TPH2: variants seen among roughly 807,000 people sequenced by gnomAD.
TPH2 encodes tryptophan 5-hydroxylase 2.
Under a neutral mutation model 59.1 loss-of-function variants are expected in TPH2, and 27 were observed. The ratio of observed to expected loss-of-function variants is 0.46; its 90% CI spans 0.34 to 0.63. The LOEUF (loss-of-function observed/expected upper bound fraction) is 0.63, where lower values mean the gene tolerates loss of function less well. TPH2 is among the 30% of genes least tolerant of loss of function. The probability of loss-of-function intolerance (pLI) is 0.01; values close to 1 mark genes in which losing one functional copy is unlikely to be tolerated. For missense variants in TPH2, 523 were observed against 588.3 expected (o/e 0.89, Z 1.15); for synonymous variants, 220 against 210.5 (o/e 1.05, Z -0.39).
At chr12:71,944,835 A>G (rs1871160055) in intron 4 of TPH2, 149 bp downstream of exon 4, 1 of 805,018 alleles carries the variant, frequency 1.2e-6, no homozygotes, top group African/African-American at 1.7e-5. Flanking sequence ...CAAATGATAA[A>G]GCTTCCCTGT....
Position 72,022,379 on chromosome 12 carries a change from A to AT in TPH2, c.1069-19dup, listed in dbSNP as rs778882015. The AT allele has an allele frequency of 1.3e-5, 21 of 1,592,420 alleles. No homozygotes were observed. The East Asian group carries it at 4.5e-4, about 34-fold the overall frequency. ...TAACTCATTGACCAGTTCACTGAATATGTGTTCGTTTTTCTTCAGTGCTAT... is the reference window on the plus strand; with the variant it reads ...TAACTCATTGACCAGTTCACTGAATATTGTGTTCGTTTTTCTTCAGTGCTAT... On this transcript the variant is annotated intron_variant, in intron 8 of 10. Transcript: ENST00000333850.
intron 9 of TPH2, among the ~76,000 whole-genome samples, chr12:72,022,814 C>T (rs1873459940): frequency 6.6e-6 from 1 of 152,218 alleles, no homozygotes; most frequent in Non-Finnish European, 1.5e-5. Context: ...CATGAGCTAG[C>T]AGTGATCCTA....
chr12:71,957,968 T>A (rs1470800209), intron 5 of TPH2, among the ~76,000 whole-genome samples: 1 of 152,234 alleles, frequency 6.6e-6, no homozygotes. Flanking sequence ...GTTCCTTTTC[T>A]TAGATCCTGC....
At chr12:71,992,819 T>C (rs758720413) in intron 7 of TPH2, among the ~76,000 whole-genome samples, 2 of 152,218 alleles carry the variant, frequency 1.3e-5, no homozygotes, top group Non-Finnish European at 2.9e-5. Flanking sequence ...AGGAGCTCAG[T>C]ATATTCTCTC....
At chr12:72,019,343 T>C (rs1001029261) in intron 8 of TPH2, among the ~76,000 whole-genome samples, 4 of 152,158 alleles carry the variant, frequency 2.6e-5, no homozygotes, top group African/African-American at 7.2e-5. Flanking sequence ...TTAGTACATA[T>C]CTTTCTCCTG....
At chr12:71,996,330 A>G (rs1212446153) in intron 8 of TPH2, among the ~76,000 whole-genome samples, 2 of 152,242 alleles carry the variant, frequency 1.3e-5, no homozygotes, top group African/African-American at 2.4e-5. Context: ...CACATTGGCC[A>G]TATTCCGTTC....
Position 71,938,970 on chromosome 12 carries a change from A to G in TPH2, c.-17A>G. ...TAGTACCCCCTGCTGCAGAGAAAGAATATTACACCGGGATCCATGCAGCCA... is the reference window on the plus strand; with the variant it reads ...TAGTACCCCCTGCTGCAGAGAAAGAGTATTACACCGGGATCCATGCAGCCA... On this transcript the variant is annotated 5_prime_UTR_variant, in exon 1 of 11. Transcript: ENST00000333850. 1.2e-6 allele frequency: 2 copies of G among 1,606,608 alleles called. No individual in the cohort carries two copies. The highest frequency in any genetic ancestry group is 1.7e-6 in the Non-Finnish European group (2 of 1,173,312).
intron 8 of TPH2, among the ~76,000 whole-genome samples, chr12:71,998,921 T>A (rs992574994): frequency 6.6e-6 from 1 of 152,236 alleles, no homozygotes; most frequent in Non-Finnish European, 1.5e-5. Flanking sequence ...GTGAGATTTA[T>A]ATTATTAATG....
rs17110472 is a variant in TPH2, at chr12:71,947,821, T to C, written c.541-1767T>C. Among the ~76,000 whole-genome samples the C allele has an allele frequency of 7.2e-3, 1,102 of 152,218 alleles. 11 individuals are homozygous for C. The highest frequency in any genetic ancestry group is 0.025 in the African/African-American group (1,029 of 41,544). ...AGGCATGATGAGTAAATCGCTCTCT[T>C]GCGTCCTTGGAAAAGGTGCAGGTGT... On this transcript the variant is annotated intron_variant, in intron 4 of 10. Coordinates refer to ENST00000333850, the MANE Select transcript of TPH2 (RefSeq NM_173353.4).
At chr12:71,996,932 C>T (rs1013395267) in intron 8 of TPH2, among the ~76,000 whole-genome samples, 3 of 151,950 alleles carry the variant, frequency 2.0e-5, no homozygotes, top group Non-Finnish European at 2.9e-5. Context: ...TAGCTTATAT[C>T]GACAAAACAG....
chr12:72,008,339 T>G (rs1873009307), intron 8 of TPH2, among the ~76,000 whole-genome samples: 1 of 152,248 alleles, frequency 6.6e-6, no homozygotes, highest in Non-Finnish European at 1.5e-5. Context: ...GACCTGTAAT[T>G]AAGCCCATGC....
Position 71,938,928 on chromosome 12 carries a change from C to G in TPH2, c.-59C>G. On this transcript the variant is annotated 5_prime_UTR_variant, in exon 1 of 11. Transcript: ENST00000333850. ...GCCCCTTCCTCTCAATCTCCGCCAG[C>G]GCTGCTACTGCCCCTCTAGTACCCC... 2.1e-6 allele frequency: 3 copies of G among 1,422,484 alleles called. No individual in the cohort carries two copies. In the South Asian group the frequency reaches 3.4e-5, roughly 16 times the overall value. The allele number at this position is 1,422,484 out of a possible 1,614,324, so 88.1% of individuals were successfully genotyped here. A position where few individuals can be genotyped will look rare whatever the true frequency, so the allele number is the denominator to read the frequency against.
chr12:72,022,644 C>T, intron 9 of TPH2, 150 bp downstream of exon 9: 1 of 732,508 alleles, frequency 1.4e-6, no homozygotes, highest in Non-Finnish European at 2.4e-6. Context: ...GGGTGCCGAC[C>T]TCACTTTTCG....
chr12:71,994,400 T>G, intron 7 of TPH2, 39 bp from the exon 8 acceptor site: 1 of 1,612,564 alleles, frequency 6.2e-7, no homozygotes, highest in East Asian at 2.2e-5. Flanking sequence ...AATTTAAAGC[T>G]TCTTATTTAA....
chr12:71,962,031 A>C (rs766423488), intron 5 of TPH2: 3 of 1,032,276 alleles, frequency 2.9e-6, no homozygotes, highest in Non-Finnish European at 3.5e-6. Flanking sequence ...CAAATAAAAT[A>C]TGTGATCGCA....
intron 8 of TPH2, among the ~76,000 whole-genome samples, chr12:72,008,064 A>G (rs1361513951): frequency 1.3e-5 from 2 of 152,162 alleles, no homozygotes; most frequent in Non-Finnish European, 2.9e-5. Context: ...CTACCGAGGG[A>G]TATAGATAAG....
At chr12:71,974,358 G>T (rs1008006569) in intron 6 of TPH2, among the ~76,000 whole-genome samples, 1 of 152,096 alleles carries the variant, frequency 6.6e-6, no homozygotes, top group African/African-American at 2.4e-5. Context: ...CTAAAATCAG[G>T]GTGTTGACAG....
At chr12:72,006,074 C>T (rs1872946531) in intron 8 of TPH2, among the ~76,000 whole-genome samples, 1 of 152,138 alleles carries the variant, frequency 6.6e-6, no homozygotes, top group Non-Finnish European at 1.5e-5. Flanking sequence ...ATATATGACA[C>T]TATGCGGTTT....
At position 71,977,468 on chromosome 12, in the gene TPH2, C is replaced by T. The variant is rs1186703395; in HGVS notation, c.806-1484C>T. Among the ~76,000 whole-genome samples the T allele has an allele frequency of 6.7e-5, 10 of 150,374 alleles. No homozygotes were observed. In the East Asian group the frequency reaches 1.7e-3, roughly 26 times the overall value. On this transcript the variant is annotated intron_variant, in intron 6 of 10. Coordinates refer to ENST00000333850, the MANE Select transcript of TPH2 (RefSeq NM_173353.4). ...CTTACTACACACACACACACACACA[C>T]ACAGACACACGCACACGCATGTGCA...
Sources: allele counts gnomAD v4.1 joint callset (sites outside exome capture counted in the v4.1 genomes callset), GRCh38; gene constraint gnomAD v4.1.1; transcripts MANE v1.5; gene names NCBI Gene and HGNC (gene_info 2026-07-23, HGNC 2026-07-21).